Variants in DOP1B observed in about 807,000 individuals in gnomAD.
DOP1B encodes DOP1 leucine zipper like protein B.
Under a neutral mutation model 233.5 loss-of-function variants are expected in DOP1B, and 174 were observed. The observed-to-expected ratio is 0.75, with a 90% CI of 0.66 to 0.85. The LOEUF (loss-of-function observed/expected upper bound fraction) is 0.85, where lower values mean the gene tolerates loss of function less well. Among genes scored for constraint, DOP1B ranks in the 40% least tolerant of loss-of-function variants. The pLI is 0.00. For missense variants in DOP1B, 2,652 were observed against 2,846.6 expected, an observed-to-expected ratio of 0.93 and a Z score of 1.56; for synonymous variants, 1,190 against 1,185.6, an observed-to-expected ratio of 1.00 and a Z score of -0.08.
At chr21:36,173,881 A>G (rs2065996078) in intron 2 of DOP1B, among the ~76,000 whole-genome samples, 1 of 149,338 alleles carries the variant, frequency 6.7e-6, no homozygotes, top group Non-Finnish European at 1.5e-5. Flanking sequence ...AAAAAAAAAA[A>G]GTTATAATGG....
chr21:36,264,742 G>A (rs140974199), intron 26 of DOP1B, among the ~76,000 whole-genome samples: 2,123 of 151,892 alleles, frequency 0.014, 42 homozygotes, highest in African/African-American at 0.048. Context: ...CAAAGTGCTG[G>A]GATTACAGAC....
rs2065876741 is a variant in DOP1B, at chr21:36,162,347, A to T, written c.-26-2361A>T. On this transcript the variant is annotated intron_variant, in intron 1 of 36. Transcript: ENST00000691173. Reference sequence around the variant, plus strand: ...GTACCTGGGACTATAGGCATGTGCCACTACACCCTGCTAATTTTTGTATTG... The same window carrying T: ...GTACCTGGGACTATAGGCATGTGCCTCTACACCCTGCTAATTTTTGTATTG... Among the ~76,000 whole-genome samples the T allele has an allele frequency of 2.0e-5, 3 of 152,106 alleles. No homozygotes were observed. The South Asian group carries it at 6.2e-4, about 32-fold the overall frequency.
At position 36,278,056 on chromosome 21, in the gene DOP1B, T is replaced by C; in HGVS notation, c.5794T>C (p.Tyr1932His). ...AVPLISRLLYYVFPYLRNHSA... is the reference protein window; with the variant it reads ...AVPLISRLLYHVFPYLRNHSA... Reference sequence around the variant, plus strand: ...GCCGTTAATCTCCCGTCTGCTTTACTATGTTTTTCCATACTTACGCAACCA... The same window carrying C: ...GCCGTTAATCTCCCGTCTGCTTTACCATGTTTTTCCATACTTACGCAACCA... Residue 1932 changes from tyrosine to histidine, a missense_variant, in exon 29 of 37, where the codon TAT becomes CAT. By Grantham distance (83) the Tyr-to-His change is moderately conservative. Around this residue, in one of 3 missense-constraint regions of DOP1B, gnomAD observed 2,617 missense variants for 2,794.3 expected, o/e 0.94. Transcript: ENST00000691173. 2 of 1,614,240 alleles carry C rather than the reference T, an allele frequency of 1.2e-6. No homozygotes were observed. Among genetic ancestry groups the C allele is most frequent in the Non-Finnish European group, 1.7e-6 (2 of 1,180,040 alleles).
intron 2 of DOP1B, among the ~76,000 whole-genome samples, chr21:36,184,037 T>G (rs2409760): frequency 1.3e-5 from 2 of 150,822 alleles, no homozygotes; most frequent in Admixed American, 6.6e-5. Context: ...TTAATTTTTG[T>G]TTTTTGCTTT....
rs2067400113 is a variant in DOP1B, at chr21:36,280,149, A to G, written c.5970-136A>G. 5 of 584,728 alleles carry G rather than the reference A, an allele frequency of 8.6e-6. 1 individual carries two copies. In the South Asian group the frequency reaches 1.1e-4, roughly 13 times the overall value. The allele number at this position is 584,728 out of a possible 1,614,324, so 36.2% of individuals were successfully genotyped here. A position where few individuals can be genotyped will look rare whatever the true frequency, so the allele number is the denominator to read the frequency against. ...CTCGGCCTCCCAAAGTGCTGGGATT[A>G]TAGGCGTGAGCCACTGCACCTGGCC... On this transcript the variant is annotated intron_variant, in intron 30 of 36. Coordinates refer to ENST00000691173, the MANE Select transcript of DOP1B (RefSeq NM_001320714.2).
chr21:36,246,654 C>A lies in DOP1B; in HGVS notation c.4674C>A (p.Ser1558Arg), dbSNP rs377530449. The change falls in exon 19 of 37, where the codon AGC becomes AGA. Residue 1558 changes from serine (S) to arginine (R), a missense_variant. Transcript: ENST00000691173. The surrounding 1 kb of genome is among the most constrained non-coding windows in gnomAD (Gnocchi z 5.1). ...NLDDLVKQYE[S>R]ESVKLSVSTT... Reference sequence around the variant, plus strand: ...ATGACTTGGTCAAGCAGTATGAAAGCGAATCTGTGAAGCTCTCTGTCAGGT... The same window carrying A: ...ATGACTTGGTCAAGCAGTATGAAAGAGAATCTGTGAAGCTCTCTGTCAGGT... 6.2e-7 allele frequency: 1 copy of A among 1,611,962 alleles called. No individual in the cohort carries two copies. The highest frequency in any genetic ancestry group is 1.1e-5 in the South Asian group (1 of 91,056).
Position 36,285,477 on chromosome 21 carries a change from A to C in DOP1B, c.6161-2537A>C, listed in dbSNP as rs547531874. On this transcript the variant is annotated intron_variant, in intron 32 of 36. Coordinates refer to ENST00000691173, the MANE Select transcript of DOP1B (RefSeq NM_001320714.2). ...TTTGCCCTGTTTTCATTTTTGATGA[A>C]CTGACAGTTTACAGAGCACTTTCCT... Among the ~76,000 whole-genome samples, 3 of 152,088 alleles carry C rather than the reference A, an allele frequency of 2.0e-5. No individual in the cohort carries two copies. The South Asian group carries it at 6.2e-4, about 31-fold the overall frequency.
rs1241060147 is a variant in DOP1B at position 36,246,037 on chromosome 21, A to G, written c.4057A>G (p.Ile1353Val). The G allele has an allele frequency of 3.7e-6, 6 of 1,613,666 alleles. No homozygotes were observed. Among genetic ancestry groups the G allele is most frequent in the Middle Eastern group, 1.6e-4 (1 of 6,084 alleles). The change falls in exon 19 of 37, where the codon ATC (isoleucine) becomes GTC (valine). Residue 1353 changes from isoleucine (I) to valine (V), a missense_variant. By Grantham distance (29) the Ile-to-Val change is conservative. This residue lies in a region of DOP1B where 2,617 missense variants were observed against 2,794.3 expected (regional missense o/e 0.94). Transcript: ENST00000691173. This position sits in a 1 kb window ranked among gnomAD's most constrained non-coding sequence, Gnocchi z 5.1. ...DVQVKSVEVL[I>V]RIMMQLVSVA... is the part of the protein sequence containing the mutation. ...GCAGGTCAAAAGTGTCGAGGTTTTG[A>G]TCAGGATAATGATGCAGCTGGTCTC...
At chr21:36,265,599 G>A (rs1161227296) in intron 26 of DOP1B, among the ~76,000 whole-genome samples, 1 of 152,124 alleles carries the variant, frequency 6.6e-6, no homozygotes, top group East Asian at 1.9e-4. Flanking sequence ...TCTGTCTTCA[G>A]CCAGCCTGGA....
chr21:36,227,391 C>T (rs573657753), intron 12 of DOP1B, among the ~76,000 whole-genome samples: 3 of 150,958 alleles, frequency 2.0e-5, no homozygotes, highest in Non-Finnish European at 4.4e-5. Flanking sequence ...ACTAAACATA[C>T]AAAAAATTAG....
chr21:36,250,360 A>G (rs1272018373), intron 21 of DOP1B, among the ~76,000 whole-genome samples: 1 of 152,194 alleles, frequency 6.6e-6, no homozygotes, highest in Non-Finnish European at 1.5e-5. Flanking sequence ...AGAGAGATGA[A>G]GTCCCTGCCC....
rs368781831 is a variant in DOP1B, at chr21:36,289,596, C to T, written c.6515+390C>T. On this transcript the variant is annotated intron_variant, in intron 35 of 36. Coordinates refer to ENST00000691173, the MANE Select transcript of DOP1B (RefSeq NM_001320714.2). The stretch of plus-strand genomic sequence containing the variant: ...AATGCCTTTATTTGGAGCCTGCCAT[C>T]TCCGATTCACTTTGCCCCATAGGCT... Among the ~76,000 whole-genome samples, 4 of 152,218 alleles carry T rather than the reference C, an allele frequency of 2.6e-5. No individual in the cohort carries two copies. The East Asian group carries it at 5.8e-4, about 22-fold the overall frequency.
rs902829332 is a variant in DOP1B, at chr21:36,227,555, A to T, written c.1474-131A>T. On this transcript the variant is annotated intron_variant, in intron 12 of 36. Coordinates refer to ENST00000691173, the MANE Select transcript of DOP1B (RefSeq NM_001320714.2). ...GAGCAAGACTCTGTCAAAAAAAAAG[A>T]AAGAAAGAAAGAAAGAAAATTAGTG... 1.0e-4 allele frequency: 83 copies of T among 795,280 alleles called. No homozygotes were observed. In the African/African-American group the frequency reaches 1.3e-3, roughly 13 times the overall value. 49.3% of individuals were successfully genotyped at this position (795,280 alleles called of 1,614,324 possible). A position where few individuals can be genotyped will look rare whatever the true frequency, so the allele number is the denominator to read the frequency against.
chr21:36,270,330 A>G (rs951063358), intron 27 of DOP1B, among the ~76,000 whole-genome samples, 173 bp downstream of exon 27: 2 of 150,544 alleles, frequency 1.3e-5, no homozygotes, highest in Non-Finnish European at 2.9e-5. Flanking sequence ...AGATGGGCAG[A>G]TAAAGCAAGG....
At chr21:36,209,505 G>C (rs75908915) in intron 5 of DOP1B, among the ~76,000 whole-genome samples, 3 of 152,202 alleles carry the variant, frequency 2.0e-5, no homozygotes, top group Non-Finnish European at 2.9e-5. Context: ...GCCTCTGCAC[G>C]CAGAGGGTCT....
intron 21 of DOP1B, among the ~76,000 whole-genome samples, chr21:36,249,069 C>T (rs977364672): frequency 5.9e-5 from 9 of 151,608 alleles, no homozygotes; most frequent in African/African-American, 1.9e-4. Context: ...TGCACCACTG[C>T]ACCCCAGCCT....
In DOP1B at chr21:36,245,798, C is replaced by T. The variant is rs772650239; in HGVS notation, c.3818C>T (p.Ala1273Val). The T allele has an allele frequency of 6.2e-6, 10 of 1,613,862 alleles. No individual in the cohort carries two copies. The highest frequency in any genetic ancestry group is 4.5e-5 in the East Asian group (2 of 44,880). The change falls in exon 19 of 37, where the codon GCG (alanine) becomes GTG (valine). Residue 1273 changes from alanine (A) to valine (V), a missense_variant. Ala to Val is a moderately conservative substitution (Grantham distance 64). Transcript: ENST00000691173. The surrounding 1 kb of genome is among the most constrained non-coding windows in gnomAD (Gnocchi z 5.5). ...ACTAGCATGGATACCAGCTCCACCG[C>T]GCACCTCAACCTCATCTCCAACCTC... The part of the protein sequence containing the change: ...SRTSMDTSST[A>V]HLNLISNLLA...
Position 36,289,213 on chromosome 21 carries a change from C to A in DOP1B, c.6515+7C>A. On this transcript the variant is annotated splice_region_variant and intron_variant, in intron 35 of 36. Transcript: ENST00000691173. ...AGATGCCATTATTTCAAATGTAAGT[C>A]AGATAGGATCGTGTGTCCTTTTTGA... 1 of 1,611,228 alleles carries A rather than the reference C, an allele frequency of 6.2e-7. No homozygotes were observed. The highest frequency in any genetic ancestry group is 1.1e-5 in the South Asian group (1 of 89,928).
chr21:36,277,536 C>T lies in DOP1B; in HGVS notation c.5712+436C>T, dbSNP rs534014015. Among the ~76,000 whole-genome samples, 4 of 152,262 alleles carry T rather than the reference C, an allele frequency of 2.6e-5. No homozygotes were observed. The South Asian group carries it at 8.3e-4, about 32-fold the overall frequency. ...GACCTCGTGATCCACCCACCTTGGC[C>T]TCCCAAAGAGCTGGGATTACAGGCG... is the stretch of plus-strand genomic sequence containing the variant. On this transcript the variant is annotated intron_variant, in intron 28 of 36. Coordinates refer to ENST00000691173, the MANE Select transcript of DOP1B (RefSeq NM_001320714.2).
Sources: gnomAD v4.1 joint callset for allele counts (sites outside exome capture counted in the v4.1 genomes callset) on GRCh38, gnomAD v4.1.1 for gene constraint, gnomAD v4.1.1 regional missense constraint, Gnocchi (gnomAD v3.1) non-coding constraint, MANE v1.5 for transcripts, NCBI Gene and HGNC (gene_info 2026-07-23, HGNC 2026-07-21) for gene names.